CORO2B: variants seen among roughly 807,000 people sequenced by gnomAD.
The protein encoded by CORO2B is coronin 2B.
In CORO2B, 26 loss-of-function variants were observed where a neutral mutation model predicts 58.8. The observed-to-expected ratio is 0.44, with a 90% CI of 0.32 to 0.61. CORO2B has a LOEUF of 0.61. Ranked by LOEUF, CORO2B falls within the 20% of genes least tolerant of loss-of-function variation. CORO2B has a pLI of 0.04. For missense variants in CORO2B, 460 were observed against 645.1 expected (o/e 0.71, Z 3.11); for synonymous variants, 242 against 253.8 (o/e 0.95, Z 0.44).
At chr15:68,554,330 C>A in the CORO2B span, among the ~76,000 whole-genome samples, 1 of 152,086 alleles carries the variant, frequency 6.6e-6, no homozygotes, top group Non-Finnish European at 1.5e-5. Flanking sequence ...TAATACTGAG[C>A]AGATTTCCTA....
intron 1 of CORO2B, among the ~76,000 whole-genome samples, chr15:68,623,131 C>T (rs1900573115): frequency 6.6e-6 from 1 of 152,068 alleles, no homozygotes; most frequent in Non-Finnish European, 1.5e-5. Flanking sequence ...CGCTACTGCA[C>T]TCCAGCCTGG....
chr15:68,712,050 C>A (rs1245587476), intron 5 of CORO2B, among the ~76,000 whole-genome samples: 1 of 152,206 alleles, frequency 6.6e-6, no homozygotes, highest in African/African-American at 2.4e-5. Context: ...GGAGGAGACA[C>A]TGGACTCACT....
chr15:68,566,001 C>T, the CORO2B span, among the ~76,000 whole-genome samples: 5 of 152,210 alleles, frequency 3.3e-5, no homozygotes, highest in Non-Finnish European at 5.9e-5. Flanking sequence ...ATCTTTCCTC[C>T]ACCTCTGTGG....
chr15:68,593,944 C>A (rs967206878), intron 1 of CORO2B, among the ~76,000 whole-genome samples: 2 of 151,862 alleles, frequency 1.3e-5, no homozygotes, highest in African/African-American at 4.8e-5. Flanking sequence ...GGGAAGGGCT[C>A]ATTTGGGGGA....
rs374909186 is a variant in CORO2B at position 68,696,306 on chromosome 15, C to T, written c.333+1050C>T. 6.9e-4 allele frequency among the ~76,000 whole-genome samples: 105 copies of T among 151,272 alleles called. 2 individuals are homozygous for T. In the East Asian group the frequency reaches 0.016, roughly 24 times the overall value. ...GCACATGCCTGTAATCCCAGCACTT[C>T]GGGAGGCTGAGGCAGGTGGATCATT... On this transcript the variant is annotated intron_variant, in intron 3 of 11. Transcript: ENST00000261861.
the CORO2B span, among the ~76,000 whole-genome samples, chr15:68,536,687 GC>G: frequency 6.6e-6 from 1 of 152,138 alleles, no homozygotes; most frequent in Non-Finnish European, 1.5e-5. Context: ...CTGTGACATG[GC>G]CAGCTAAAAA....
At chr15:68,707,222 C>T (rs1283614778) in intron 3 of CORO2B, among the ~76,000 whole-genome samples, 1 of 152,174 alleles carries the variant, frequency 6.6e-6, no homozygotes, top group Non-Finnish European at 1.5e-5. Flanking sequence ...ATCCAAACAA[C>T]AGGTGGCATT....
At chr15:68,629,667 G>A (rs1900774095) in intron 1 of CORO2B, among the ~76,000 whole-genome samples, 1 of 152,188 alleles carries the variant, frequency 6.6e-6, no homozygotes, top group Non-Finnish European at 1.5e-5. Context: ...AATGGTCAGG[G>A]GACCAGCAGG....
chr15:68,537,233 G>C, the CORO2B span, among the ~76,000 whole-genome samples: 1 of 152,182 alleles, frequency 6.6e-6, no homozygotes, highest in Non-Finnish European at 1.5e-5. Context: ...CCACCCTCTT[G>C]AAGAGGAGAA....
intron 1 of CORO2B, among the ~76,000 whole-genome samples, chr15:68,598,444 G>GA (rs1899894967): frequency 2.0e-5 from 3 of 152,150 alleles, no homozygotes; most frequent in African/African-American, 7.2e-5. Flanking sequence ...ACCTTCTGGG[G>GA]AAAAAATGAT....
At chr15:68,723,985 T>C (rs1462732473) in intron 11 of CORO2B, among the ~76,000 whole-genome samples, 34 of 151,882 alleles carry the variant, frequency 2.2e-4, no homozygotes, top group Admixed American at 2.2e-3. Flanking sequence ...GTGGATCACT[T>C]GAGGCCAGGA....
intron 1 of CORO2B, among the ~76,000 whole-genome samples, chr15:68,606,581 A>G (rs1391142462): frequency 6.6e-6 from 1 of 152,210 alleles, no homozygotes; most frequent in Non-Finnish European, 1.5e-5. Flanking sequence ...ATTCTGGCAC[A>G]TGGCCTGAGA....
intron 7 of CORO2B, among the ~76,000 whole-genome samples, 156 bp from the exon 8 acceptor site, chr15:68,715,059 G>T (rs1206490429): frequency 6.6e-6 from 1 of 152,096 alleles, no homozygotes. Context: ...GTCCCCTGTG[G>T]TGCACCCACT....
At chr15:68,613,010 G>A (rs1900276529) in intron 1 of CORO2B, among the ~76,000 whole-genome samples, 1 of 152,164 alleles carries the variant, frequency 6.6e-6, no homozygotes, top group Non-Finnish European at 1.5e-5. Context: ...GCCAGGTTCA[G>A]GATGACATGG....
chr15:68,682,212 T>G (rs1902814802), intron 2 of CORO2B, among the ~76,000 whole-genome samples: 1 of 152,164 alleles, frequency 6.6e-6, no homozygotes, highest in Non-Finnish European at 1.5e-5. Context: ...CAGATAGTTA[T>G]GTATGCCATG....
At chr15:68,711,032 G>T in intron 4 of CORO2B, 151 bp downstream of exon 4, 1 of 881,994 alleles carries the variant, frequency 1.1e-6, no homozygotes. Flanking sequence ...TTCGCTACAC[G>T]CAACTGAGCA....
Position 68,706,183 on chromosome 15 carries a change from T to A in CORO2B, c.334-4549T>A, listed in dbSNP as rs919881578. On this transcript the variant is annotated intron_variant, in intron 3 of 11. Transcript: ENST00000261861. ...TCCACACGAGCCAGGCTGACCCCCGTGCAGGTTCCCTACCTGCTGGCGCCC... is the reference window on the plus strand; with the variant it reads ...TCCACACGAGCCAGGCTGACCCCCGAGCAGGTTCCCTACCTGCTGGCGCCC... 3.3e-5 allele frequency among the ~76,000 whole-genome samples: 5 copies of A among 152,202 alleles called. No homozygotes were observed. The East Asian group carries it at 9.6e-4, about 29-fold the overall frequency.
At chr15:68,620,101 G>A (rs1404935635) in intron 1 of CORO2B, among the ~76,000 whole-genome samples, 3 of 151,932 alleles carry the variant, frequency 2.0e-5, no homozygotes, top group Non-Finnish European at 4.4e-5. Context: ...TAGTAGAGAC[G>A]GGGTTTCACC....
the CORO2B span, among the ~76,000 whole-genome samples, chr15:68,560,663 C>A: frequency 1.3e-5 from 2 of 152,178 alleles, no homozygotes; most frequent in Non-Finnish European, 2.9e-5. Flanking sequence ...TCTCTCTAAG[C>A]ACTGTCCTCC....
Sources: allele counts gnomAD v4.1 joint callset (sites outside exome capture counted in the v4.1 genomes callset), GRCh38; gene constraint gnomAD v4.1.1; transcripts MANE v1.5; gene names NCBI Gene and HGNC (gene_info 2026-07-23, HGNC 2026-07-21).